MYT1L: variants seen among roughly 807,000 people sequenced by gnomAD.
The protein encoded by MYT1L is myelin transcription factor 1-like protein.
Under a neutral mutation model 126.7 loss-of-function variants are expected in MYT1L, and 12 were observed. The observed-to-expected ratio is 0.09, with a 90% CI of 0.06 to 0.15. MYT1L has a LOEUF of 0.15. MYT1L is among the 10% of genes least tolerant of loss of function. The pLI, the probability that MYT1L is intolerant of heterozygous loss-of-function variation, is 1.00. For synonymous variants in MYT1L, 541 were observed against 604.2 expected (o/e 0.90, Z 1.53); for missense variants, 979 against 1,585.2 (o/e 0.62, Z 6.49).
intron 2 of MYT1L, among the ~76,000 whole-genome samples, chr2:2,280,510 C>T (rs535081611): frequency 3.9e-4 from 59 of 152,270 alleles, no homozygotes; most frequent in African/African-American, 1.3e-3. Flanking sequence ...CCTTTTAAAC[C>T]GAACTAAACT....
chr2:1,972,065 G>A (rs567408936), intron 8 of MYT1L, among the ~76,000 whole-genome samples: 4 of 152,256 alleles, frequency 2.6e-5, no homozygotes, highest in South Asian at 2.1e-4. Flanking sequence ...GGGGTGAGGC[G>A]TACACAATGT....
intron 22 of MYT1L, 132 bp downstream of exon 22, chr2:1,808,944 G>C (rs1300162957): frequency 5.2e-6 from 4 of 772,536 alleles, no homozygotes; most frequent in Non-Finnish European, 8.6e-6. Flanking sequence ...ATAGATGAGA[G>C]GGCCAGAATT....
intron 3 of MYT1L, among the ~76,000 whole-genome samples, chr2:2,092,471 A>G (rs1291608706): frequency 6.6e-6 from 1 of 152,242 alleles, no homozygotes; most frequent in Non-Finnish European, 1.5e-5. Flanking sequence ...TGATAATAAA[A>G]AAGTTTGAAA....
intron 3 of MYT1L, among the ~76,000 whole-genome samples, chr2:2,101,387 A>G (rs2078059236): frequency 6.6e-6 from 1 of 152,258 alleles, no homozygotes; most frequent in East Asian, 1.9e-4. Context: ...AAATATACGC[A>G]AAATAAAGAT....
intron 2 of MYT1L, among the ~76,000 whole-genome samples, chr2:2,211,747 G>A (rs1359856393): frequency 6.7e-6 from 1 of 148,492 alleles, no homozygotes; most frequent in Admixed American, 6.8e-5. Flanking sequence ...AGAGGTTGCA[G>A]TGAGCCAAAA....
intron 3 of MYT1L, among the ~76,000 whole-genome samples, chr2:2,158,174 G>A (rs1360144198): frequency 2.6e-5 from 4 of 152,034 alleles, no homozygotes; most frequent in African/African-American, 9.7e-5. Flanking sequence ...ACCACACAGT[G>A]TAGCAAGTGG....
chr2:2,177,079 G>A (rs954100367), intron 2 of MYT1L, among the ~76,000 whole-genome samples: 2 of 152,228 alleles, frequency 1.3e-5, no homozygotes, highest in South Asian at 2.1e-4. Context: ...GCTGAGGAAG[G>A]GGATGAGAGC....
chr2:1,791,236 T>TA lies in MYT1L; in HGVS notation c.*630_*631insT. 1 of 471,292 alleles carries TA rather than the reference T, an allele frequency of 2.1e-6. No individual in the cohort carries two copies. The highest frequency in any genetic ancestry group is 2.4e-5 in the Admixed American group (1 of 42,358). The allele number at this position is 471,292 out of a possible 1,614,324, so 29.2% of individuals were successfully genotyped here. A position where few individuals can be genotyped will look rare whatever the true frequency, so the allele number is the denominator to read the frequency against. The stretch of plus-strand genomic sequence containing the variant: ...TTCCTTGGAATGCAAAAAACCTCAT[T>TA]TATTGCCCCCACCATACACCATCCT... On this transcript the variant is annotated 3_prime_UTR_variant, in exon 25 of 25. Transcript: ENST00000647738. The surrounding 1 kb of genome is among the most constrained non-coding windows in gnomAD (Gnocchi z 6.0).
At chr2:1,886,675 A>G (rs766631071) in intron 17 of MYT1L, 68 bp from the exon 18 acceptor site, 187 of 1,117,982 alleles carry the variant, frequency 1.7e-4, no homozygotes, top group Non-Finnish European at 2.1e-4. Context: ...CAAACACAAC[A>G]TAAAAACCGA....
chr2:1,885,868 T>C (rs1288519900), intron 18 of MYT1L, among the ~76,000 whole-genome samples: 2 of 152,206 alleles, frequency 1.3e-5, no homozygotes, highest in African/African-American at 2.4e-5. Flanking sequence ...CAAACCTGTC[T>C]GGACCTACAT....
At chr2:2,012,327 G>A (rs1276897595) in intron 4 of MYT1L, among the ~76,000 whole-genome samples, 4 of 152,178 alleles carry the variant, frequency 2.6e-5, no homozygotes. Flanking sequence ...CATAAATGAA[G>A]GTTTAACACA....
intron 2 of MYT1L, among the ~76,000 whole-genome samples, chr2:2,270,580 G>GAGCAATGAAAAAATTACAGCCAATCCA (rs1239327135): frequency 4.6e-5 from 7 of 151,898 alleles, no homozygotes; most frequent in Non-Finnish European, 1.0e-4. Context: ...CAGCCAATCC[G>GAGCAATGAAAAAATTACAGCCAATCCA]AGCAATGAAA....
chr2:1,792,117 C>G, intron 24 of MYT1L, 110 bp from the exon 25 acceptor site: 1 of 1,185,578 alleles, frequency 8.4e-7, no homozygotes, highest in Non-Finnish European at 1.1e-6. Context: ...TATACTATTT[C>G]AAAGGCCGGC....
At chr2:2,263,925 T>C (rs1027605761) in intron 2 of MYT1L, among the ~76,000 whole-genome samples, 8 of 152,210 alleles carry the variant, frequency 5.3e-5, no homozygotes, top group African/African-American at 1.9e-4. Context: ...ATCTGCACAT[T>C]GTGCACATGT....
At chr2:2,010,427 G>A (rs2063717010) in intron 4 of MYT1L, among the ~76,000 whole-genome samples, 1 of 152,102 alleles carries the variant, frequency 6.6e-6, no homozygotes, top group African/African-American at 2.4e-5. Context: ...GGGACAGTTA[G>A]GTGTTGTCTG....
intron 3 of MYT1L, among the ~76,000 whole-genome samples, chr2:2,078,403 A>G (rs1373475936): frequency 6.6e-6 from 1 of 152,090 alleles, no homozygotes; most frequent in East Asian, 1.9e-4. Context: ...TAGATTTGAA[A>G]CAAACAAACA....
At chr2:2,021,581 CT>C (rs1283769244) in intron 4 of MYT1L, among the ~76,000 whole-genome samples, 1 of 152,142 alleles carries the variant, frequency 6.6e-6, no homozygotes, top group Non-Finnish European at 1.5e-5. Context: ...AGGAAGATGA[CT>C]TTTACTTGCA....
At chr2:1,995,513 G>A (rs1301814560) in intron 5 of MYT1L, among the ~76,000 whole-genome samples, 1 of 152,204 alleles carries the variant, frequency 6.6e-6, no homozygotes, top group Non-Finnish European at 1.5e-5. Context: ...GCAGAAGAGA[G>A]GAGAAAGTTC....
chr2:2,252,244 C>T, intron 2 of MYT1L, among the ~76,000 whole-genome samples: 1 of 152,194 alleles, frequency 6.6e-6, no homozygotes, highest in Non-Finnish European at 1.5e-5. Flanking sequence ...CTGCTTACCT[C>T]TGTTTGTCCC....
Sources: gnomAD v4.1 joint callset for allele counts (sites outside exome capture counted in the v4.1 genomes callset) on GRCh38, gnomAD v4.1.1 for gene constraint, Gnocchi (gnomAD v3.1) non-coding constraint, MANE v1.5 for transcripts, NCBI Gene and HGNC (gene_info 2026-07-23, HGNC 2026-07-21) for gene names.